Variants in CADM2 observed in about 807,000 individuals in gnomAD.
CADM2 encodes the protein immunoglobulin superfamily member 4D.
A neutral mutation model predicts 49.8 loss-of-function variants in CADM2; 12 were observed. The ratio of observed to expected loss-of-function variants is 0.24; its 90% CI spans 0.15 to 0.39. The LOEUF is 0.39. Ranked by LOEUF, CADM2 falls within the 10% of genes least tolerant of loss-of-function variation. The pLI is 1.00. For missense variants in CADM2, 378 were observed against 492.3 expected (o/e 0.77, Z 2.20); for synonymous variants, 214 against 175.4 (o/e 1.22, Z -1.74).
At chr3:85,633,542 G>C (rs2107528240) in intron 1 of CADM2, among the ~76,000 whole-genome samples, 1 of 152,102 alleles carries the variant, frequency 6.6e-6, no homozygotes, top group Non-Finnish European at 1.5e-5. Flanking sequence ...AAACCAATTA[G>C]ATCTGAATTT....
At chr3:85,573,020 A>G (rs530383488) in intron 1 of CADM2, among the ~76,000 whole-genome samples, 46 of 152,296 alleles carry the variant, frequency 3.0e-4, no homozygotes, top group Admixed American at 1.6e-3. Context: ...CATAAGATGC[A>G]GTCCATTTTA....
At chr3:85,033,597 T>C (rs549928868) in intron 1 of CADM2, among the ~76,000 whole-genome samples, 2 of 152,270 alleles carry the variant, frequency 1.3e-5, no homozygotes, top group East Asian at 3.9e-4. Flanking sequence ...ACTAGAATAT[T>C]GGAGCAAATA....
At chr3:85,969,707 T>G (rs1725879219) in intron 8 of CADM2, among the ~76,000 whole-genome samples, 1 of 151,148 alleles carries the variant, frequency 6.6e-6, no homozygotes, top group African/African-American at 2.4e-5. Context: ...GACTATGACC[T>G]CCTAGGAAAC....
intron 1 of CADM2, among the ~76,000 whole-genome samples, chr3:85,412,793 A>C (rs2035716443): frequency 6.6e-6 from 1 of 152,162 alleles, no homozygotes. Flanking sequence ...AATGCATCAC[A>C]CTACAATTAT....
chr3:85,926,137 A>ACAAT, intron 6 of CADM2, among the ~76,000 whole-genome samples: 1 of 143,610 alleles, frequency 7.0e-6, no homozygotes. Flanking sequence ...CTCTGTCTCA[A>ACAAT]AAATAAATAA....
rs535289836 is a variant in CADM2 at position 86,067,079 on chromosome 3, T to C, written c.*296T>C. 2 of 280,666 alleles carry C rather than the reference T, an allele frequency of 7.1e-6. No homozygotes were observed. The highest frequency in any genetic ancestry group is 1.3e-4 in the South Asian group (2 of 15,268). 17.4% of individuals were successfully genotyped at this position (280,666 alleles called of 1,614,324 possible). On this transcript the variant is annotated 3_prime_UTR_variant, in exon 10 of 10. Transcript: ENST00000383699. ...TGTTAATCATCTCCTTGGATCATTA[T>C]ATTGAGTGGTTTTTATACATTAAAA...
At chr3:85,156,975 A>G (rs1179319110) in intron 1 of CADM2, among the ~76,000 whole-genome samples, 3 of 152,164 alleles carry the variant, frequency 2.0e-5, no homozygotes, top group Non-Finnish European at 2.9e-5. Flanking sequence ...TAAGCTGATA[A>G]GCAACTTCAG....
intron 1 of CADM2, among the ~76,000 whole-genome samples, chr3:85,710,943 G>T (rs2107736779): frequency 6.6e-6 from 1 of 152,152 alleles, no homozygotes; most frequent in South Asian, 2.1e-4. Flanking sequence ...ATCATGCCAG[G>T]TGGGATTTTA....
chr3:85,074,444 T>A (rs2036867388), intron 1 of CADM2, among the ~76,000 whole-genome samples: 2 of 152,132 alleles, frequency 1.3e-5, no homozygotes, highest in Admixed American at 6.6e-5. Flanking sequence ...TAAATGATAC[T>A]CTCTCCCTCC....
In CADM2 at chr3:85,795,091, T is replaced by C. The variant is rs2071545320; in HGVS notation, c.89-6956T>C. Among the ~76,000 whole-genome samples, 6 of 152,142 alleles carry C rather than the reference T, an allele frequency of 3.9e-5. No individual in the cohort carries two copies. The South Asian group carries it at 1.2e-3, about 31-fold the overall frequency. On this transcript the variant is annotated intron_variant, in intron 2 of 9. Transcript: ENST00000383699. ...CATCACCTCACCAACTTAACCATTA[T>C]TTTTGTGGTAAGAACATTAAAAATC... is the stretch of plus-strand genomic sequence containing the variant.
chr3:85,325,834 G>A (rs772763243), intron 1 of CADM2, among the ~76,000 whole-genome samples: 3 of 151,936 alleles, frequency 2.0e-5, no homozygotes, highest in Non-Finnish European at 4.4e-5. Flanking sequence ...TGTATTTAGT[G>A]CCATCATGAT....
chr3:85,006,332 C>G (rs1307841931), intron 1 of CADM2, among the ~76,000 whole-genome samples: 4 of 152,120 alleles, frequency 2.6e-5, no homozygotes, highest in Non-Finnish European at 4.4e-5. Flanking sequence ...GCCACACAAC[C>G]TTAGATCACA....
intron 1 of CADM2, among the ~76,000 whole-genome samples, chr3:85,468,991 G>A (rs1319823106): frequency 6.6e-6 from 1 of 152,144 alleles, no homozygotes; most frequent in Non-Finnish European, 1.5e-5. Context: ...TTCATGGGGA[G>A]GGAAAATAAT....
intron 1 of CADM2, among the ~76,000 whole-genome samples, chr3:85,077,955 C>T (rs1369290779): frequency 2.0e-5 from 3 of 152,044 alleles, no homozygotes; most frequent in African/African-American, 7.2e-5. Context: ...TTGGTGCACA[C>T]AAACTCTGCC....
intron 1 of CADM2, among the ~76,000 whole-genome samples, chr3:85,079,216 T>A (rs2037064911): frequency 6.6e-6 from 1 of 151,818 alleles, no homozygotes; most frequent in Non-Finnish European, 1.5e-5. Context: ...AATGTAATAA[T>A]TGAATAAAAT....
intron 1 of CADM2, among the ~76,000 whole-genome samples, chr3:85,254,754 C>A (rs1358153401): frequency 6.6e-6 from 1 of 152,024 alleles, no homozygotes; most frequent in East Asian, 1.9e-4. Flanking sequence ...AGAGGAGGAA[C>A]ACAAGAAGGT....
chr3:85,784,540 A>G lies in CADM2; in HGVS notation c.89-17507A>G, dbSNP rs544006250. Among the ~76,000 whole-genome samples, 3 of 108,262 alleles carry G rather than the reference A, an allele frequency of 2.8e-5. No homozygotes were observed. In the East Asian group the frequency reaches 6.1e-4, roughly 22 times the overall value. 71.0% of individuals were successfully genotyped at this position (108,262 alleles called of 152,430 possible). On this transcript the variant is annotated intron_variant, in intron 2 of 9. Coordinates refer to ENST00000383699, the MANE Select transcript of CADM2 (RefSeq NM_001167675.2). Reference sequence around the variant, plus strand: ...GAGATCTAAATATATTTATCTATCTATCTATCTATCTATCTATCTATCTAT... The same window carrying G: ...GAGATCTAAATATATTTATCTATCTGTCTATCTATCTATCTATCTATCTAT...
intron 8 of CADM2, among the ~76,000 whole-genome samples, chr3:86,055,201 A>C (rs1170024890): frequency 6.6e-6 from 1 of 152,122 alleles, no homozygotes; most frequent in Non-Finnish European, 1.5e-5. Context: ...AACACTTTTT[A>C]GATATGACAT....
chr3:85,709,024 A>G (rs1161521566), intron 1 of CADM2, among the ~76,000 whole-genome samples: 1 of 152,138 alleles, frequency 6.6e-6, no homozygotes, highest in Non-Finnish European at 1.5e-5. Context: ...TTATTACCCA[A>G]TAATATTCTC....
Sources: gnomAD v4.1 joint callset for allele counts (sites outside exome capture counted in the v4.1 genomes callset) on GRCh38, gnomAD v4.1.1 for gene constraint, MANE v1.5 for transcripts, NCBI Gene and HGNC (gene_info 2026-07-23, HGNC 2026-07-21) for gene names.